Variants in AKAP7 observed in about 807,000 individuals in gnomAD.
AKAP7 encodes the protein A kinase (PRKA) anchor protein 7.
In AKAP7, 39 loss-of-function variants were observed where a neutral mutation model predicts 39.5. The observed-to-expected ratio is 0.99, with a 90% CI of 0.76 to 1.29. AKAP7 has a LOEUF of 1.29. AKAP7 is among the 50% of genes most tolerant of loss of function. The probability of loss-of-function intolerance (pLI) is 0.00; values close to 1 mark genes in which losing one functional copy is unlikely to be tolerated. For synonymous variants in AKAP7, 140 were observed against 139.1 expected (o/e 1.01, Z -0.05); for missense variants, 414 against 407.7 (o/e 1.02, Z -0.13).
intron 7 of AKAP7, among the ~76,000 whole-genome samples, chr6:131,243,411 T>C (rs1197198679): frequency 6.6e-6 from 1 of 152,172 alleles, no homozygotes; most frequent in East Asian, 1.9e-4. Flanking sequence ...AATACTGACA[T>C]GGCGTATCGG....
At chr6:131,252,153 C>G (rs1267403190) in intron 7 of AKAP7, among the ~76,000 whole-genome samples, 1 of 152,226 alleles carries the variant, frequency 6.6e-6, no homozygotes, top group East Asian at 1.9e-4. Context: ...TTATCAGGGA[C>G]TGTTGAAGAA....
chr6:131,235,161 G>A (rs1810943073), intron 7 of AKAP7, among the ~76,000 whole-genome samples: 1 of 152,000 alleles, frequency 6.6e-6, no homozygotes, highest in Non-Finnish European at 1.5e-5. Context: ...TGCGGTGTTT[G>A]GTTTTTTGTC....
intron 2 of AKAP7, among the ~76,000 whole-genome samples, chr6:131,156,252 T>C (rs749814263): frequency 2.0e-4 from 30 of 152,174 alleles, no homozygotes; most frequent in Non-Finnish European, 4.0e-4. Flanking sequence ...GGATGGATGC[T>C]AGGAACTTAT....
chr6:131,197,293 T>G (rs1286860115), intron 5 of AKAP7, among the ~76,000 whole-genome samples: 1 of 152,192 alleles, frequency 6.6e-6, no homozygotes, highest in Non-Finnish European at 1.5e-5. Flanking sequence ...TTCATAGAAT[T>G]TCGTATACTG....
chr6:131,179,619 G>A (rs953180574), intron 5 of AKAP7, among the ~76,000 whole-genome samples: 2 of 152,178 alleles, frequency 1.3e-5, no homozygotes, highest in Non-Finnish European at 2.9e-5. Context: ...CATAATCCCA[G>A]CACTCTGGGG....
At chr6:131,147,065 G>A (rs771404142) in intron 2 of AKAP7, among the ~76,000 whole-genome samples, 1 of 152,148 alleles carries the variant, frequency 6.6e-6, no homozygotes, top group Non-Finnish European at 1.5e-5. Flanking sequence ...TGTCCATGAA[G>A]CCTTTCTAGG....
At chr6:131,160,365 C>A (rs1417464929) in intron 3 of AKAP7, among the ~76,000 whole-genome samples, 167 bp downstream of exon 3, 1 of 152,148 alleles carries the variant, frequency 6.6e-6, no homozygotes, top group Non-Finnish European at 1.5e-5. Context: ...TGTATTTAAA[C>A]AACAGGTTTG....
chr6:131,249,527 A>G (rs77955316), intron 7 of AKAP7, among the ~76,000 whole-genome samples: 2 of 152,276 alleles, frequency 1.3e-5, no homozygotes, highest in African/African-American at 2.4e-5. Context: ...GTGCCTAGCT[A>G]GTAAATAGAG....
chr6:131,236,620 T>C (rs1811083805), intron 7 of AKAP7, among the ~76,000 whole-genome samples: 1 of 152,138 alleles, frequency 6.6e-6, no homozygotes, highest in South Asian at 2.1e-4. Flanking sequence ...AGGTCCTTCA[T>C]GTCCCTTGTA....
intron 6 of AKAP7, among the ~76,000 whole-genome samples, chr6:131,212,337 A>C (rs957916464): frequency 6.6e-6 from 1 of 152,230 alleles, no homozygotes; most frequent in African/African-American, 2.4e-5. Context: ...TTCTTGCTCT[A>C]TCTGGAGAGA....
intron 5 of AKAP7, among the ~76,000 whole-genome samples, chr6:131,199,068 A>G (rs1807256720): frequency 6.6e-6 from 1 of 152,188 alleles, no homozygotes; most frequent in Non-Finnish European, 1.5e-5. Flanking sequence ...GGTTTCTGCT[A>G]CTTCATCTTG....
At chr6:131,140,334 T>G (rs1800925440) in intron 1 of AKAP7, among the ~76,000 whole-genome samples, 1 of 152,212 alleles carries the variant, frequency 6.6e-6, no homozygotes, top group African/African-American at 2.4e-5. Flanking sequence ...TGTTACCGTG[T>G]GATTCTCTCT....
chr6:131,166,730 G>A (rs990672037), intron 4 of AKAP7, among the ~76,000 whole-genome samples: 17 of 152,140 alleles, frequency 1.1e-4, no homozygotes, highest in Admixed American at 6.5e-5. Flanking sequence ...TCACTTTGGG[G>A]CAGCTAGAAT....
At chr6:131,219,384 ATTAT>A (rs1809502935) in intron 6 of AKAP7, among the ~76,000 whole-genome samples, 1 of 151,784 alleles carries the variant, frequency 6.6e-6, no homozygotes, top group Non-Finnish European at 1.5e-5. Flanking sequence ...AGTATACTTT[ATTAT>A]TTCTGGAGCT....
intron 7 of AKAP7, among the ~76,000 whole-genome samples, chr6:131,259,795 AT>A (rs1813157264): frequency 6.6e-6 from 1 of 152,086 alleles, no homozygotes; most frequent in African/African-American, 2.4e-5. Flanking sequence ...GAAGAGCAAA[AT>A]TTTTTTAAAT....
intron 5 of AKAP7, chr6:131,185,417 C>A: frequency 2.0e-6 from 1 of 495,342 alleles, no homozygotes; most frequent in South Asian, 1.9e-5. Flanking sequence ...GTAATTGTGG[C>A]CCTGCTCCAT....
intron 5 of AKAP7, among the ~76,000 whole-genome samples, chr6:131,171,276 C>T (rs1255061416): frequency 6.6e-6 from 1 of 152,066 alleles, no homozygotes; most frequent in African/African-American, 2.4e-5. Flanking sequence ...TAGCTAGAGG[C>T]AGAGGCACAG....
chr6:131,134,121 G>A (rs913156867), upstream of AKAP7, among the ~76,000 whole-genome samples: 1 of 152,086 alleles, frequency 6.6e-6, no homozygotes, highest in Non-Finnish European at 1.5e-5. Context: ...ACAGGCATGG[G>A]TCACCACGTC....
chr6:131,136,516 C>T (rs564658607), intron 1 of AKAP7, among the ~76,000 whole-genome samples: 1 of 152,254 alleles, frequency 6.6e-6, no homozygotes, highest in Admixed American at 6.5e-5. Context: ...TGAATGATGA[C>T]AGTGAGTTTT....
Sources: gnomAD v4.1 joint callset for allele counts (sites outside exome capture counted in the v4.1 genomes callset) on GRCh38, gnomAD v4.1.1 for gene constraint, MANE v1.5 for transcripts, NCBI Gene and HGNC (gene_info 2026-07-23, HGNC 2026-07-21) for gene names.